JAK2: variants seen among roughly 807,000 people sequenced by gnomAD.
The protein encoded by JAK2 is tyrosine-protein kinase JAK2.
In JAK2, 86 loss-of-function variants were observed where a neutral mutation model predicts 139.3. That is an observed-to-expected ratio of 0.62 (90% CI 0.52 to 0.74). The LOEUF is 0.74. Among genes scored for constraint, JAK2 ranks in the 30% least tolerant of loss-of-function variants. The pLI, the probability that JAK2 is intolerant of heterozygous loss-of-function variation, is 0.00. For missense variants in JAK2, 1,421 were observed against 1,360.3 expected, an observed-to-expected ratio of 1.04 and a Z score of -0.70; for synonymous variants, 490 against 437.7, an observed-to-expected ratio of 1.12 and a Z score of -1.49.
chr9:5,115,479 C>T (rs1032653533), intron 22 of JAK2, among the ~76,000 whole-genome samples: 1 of 152,146 alleles, frequency 6.6e-6, no homozygotes, highest in Non-Finnish European at 1.5e-5. Flanking sequence ...TAAATTAGTT[C>T]AACCATTGTG....
chr9:5,012,198 C>T (rs1187229752), intron 2 of JAK2, among the ~76,000 whole-genome samples: 1 of 152,156 alleles, frequency 6.6e-6, no homozygotes, highest in Non-Finnish European at 1.5e-5. Context: ...GCTCTGTCCC[C>T]TCCTCTGGCC....
chr9:5,053,429 A>C (rs1045265368), intron 6 of JAK2, among the ~76,000 whole-genome samples: 1 of 151,974 alleles, frequency 6.6e-6, no homozygotes, highest in East Asian at 1.9e-4. Context: ...CATTCTGTGT[A>C]TTGTTATTTT....
At chr9:5,098,788 G>A (rs1327311226) in intron 22 of JAK2, 3 of 151,816 alleles carry the variant, frequency 2.0e-5, no homozygotes, top group African/African-American at 4.8e-5. Flanking sequence ...CTGCCTCCCG[G>A]GTTCACGCCA....
rs901494634 is a variant in JAK2, at chr9:5,054,276, C to G, written c.615-287C>G. Among the ~76,000 whole-genome samples, 22 of 151,934 alleles carry G rather than the reference C, an allele frequency of 1.4e-4. No individual in the cohort carries two copies. Among genetic ancestry groups the G allele is most frequent in the Admixed American group, 5.3e-4 (8 of 15,236 alleles). On this transcript the variant is annotated intron_variant, in intron 6 of 24. Coordinates refer to ENST00000381652, the MANE Select transcript of JAK2 (RefSeq NM_004972.4). This position sits in a 1 kb window ranked among gnomAD's most constrained non-coding sequence, Gnocchi z 4.9. ...TAGAGAAAAGGAATTTTTAGAGATT[C>G]TTATTAACTAGACTGAGGATTCATT...
At chr9:4,999,635 C>G (rs1820810482) in intron 2 of JAK2, among the ~76,000 whole-genome samples, 1 of 152,162 alleles carries the variant, frequency 6.6e-6, no homozygotes, top group South Asian at 2.1e-4. Context: ...GTTCAAGTCT[C>G]AAAACTGAAG....
chr9:5,079,721 C>G (rs1028533012), intron 16 of JAK2, among the ~76,000 whole-genome samples: 6 of 151,912 alleles, frequency 3.9e-5, no homozygotes, highest in African/African-American at 1.5e-4. Flanking sequence ...CTTCCTAAAG[C>G]GCTTGGGTGG....
chr9:5,037,649 T>C (rs1363733917), intron 4 of JAK2, among the ~76,000 whole-genome samples: 5 of 152,054 alleles, frequency 3.3e-5, no homozygotes, highest in African/African-American at 1.2e-4. Flanking sequence ...TAGGTGGGAA[T>C]TGAACAATGA....
At chr9:5,050,596 T>A (rs1817347100) in intron 5 of JAK2, 90 bp from the exon 6 acceptor site, 2 of 1,338,522 alleles carry the variant, frequency 1.5e-6, no homozygotes, top group East Asian at 4.9e-5. Context: ...AATGCATATG[T>A]TCTGAAAATT....
intron 22 of JAK2, among the ~76,000 whole-genome samples, chr9:5,102,111 C>G (rs1233848379): frequency 2.0e-5 from 3 of 152,134 alleles, no homozygotes; most frequent in Non-Finnish European, 4.4e-5. Flanking sequence ...GGAGGATGTT[C>G]AAACCCATCG....
At chr9:5,112,554 T>C in intron 22 of JAK2, 1 of 613,808 alleles carries the variant, frequency 1.6e-6, no homozygotes, top group Non-Finnish European at 2.9e-6. Context: ...AGGTGGCCAA[T>C]AACGCCAGGG....
At chr9:5,101,965 G>A (rs1351120686) in intron 22 of JAK2, among the ~76,000 whole-genome samples, 1 of 152,176 alleles carries the variant, frequency 6.6e-6, no homozygotes, top group East Asian at 1.9e-4. Flanking sequence ...CAGAAAAGCT[G>A]AAAATTCTAA....
In JAK2 at chr9:5,022,193, T is replaced by C. The variant is rs1441596935; in HGVS notation, c.206T>C (p.Ile69Thr). The part of the protein sequence containing the change: ...SGEYVAEEIC[I>T]AASKACGITP... Reference sequence around the variant, plus strand: ...GAGTATGTTGCAGAAGAAATCTGTATTGCTGCTTCTAAAGCTTGTGGTAAG... The same window carrying C: ...GAGTATGTTGCAGAAGAAATCTGTACTGCTGCTTCTAAAGCTTGTGGTAAG... Residue 69 changes from isoleucine to threonine, a missense_variant, in exon 3 of 25, where the codon ATT (isoleucine) becomes ACT (threonine). Physicochemically the swap from Ile to Thr is moderately conservative, Grantham distance 89 (BLOSUM62 -1). Coordinates refer to ENST00000381652, the MANE Select transcript of JAK2 (RefSeq NM_004972.4). 1.9e-6 allele frequency: 3 copies of C among 1,613,758 alleles called. No individual in the cohort carries two copies. The highest frequency in any genetic ancestry group is 1.7e-5 in the Admixed American group (1 of 60,028).
At chr9:5,015,574 A>T (rs1821996809) in intron 2 of JAK2, among the ~76,000 whole-genome samples, 1 of 144,090 alleles carries the variant, frequency 6.9e-6, no homozygotes. Context: ...TCACTTTGTT[A>T]CTCAGGTTGG....
intron 4 of JAK2, among the ~76,000 whole-genome samples, chr9:5,035,604 A>G (rs573758258): frequency 6.6e-6 from 1 of 152,258 alleles, no homozygotes; most frequent in African/African-American, 2.4e-5. Flanking sequence ...AACGTAATCC[A>G]GCATATAAAC....
chr9:5,030,725 G>T (rs1823087655), intron 4 of JAK2, among the ~76,000 whole-genome samples: 1 of 151,810 alleles, frequency 6.6e-6, no homozygotes, highest in South Asian at 2.1e-4. Context: ...CCTATCACTT[G>T]GTGCTCTCTC....
intron 4 of JAK2, among the ~76,000 whole-genome samples, chr9:5,043,116 C>T (rs1202145373): frequency 1.3e-5 from 2 of 152,186 alleles, no homozygotes; most frequent in Non-Finnish European, 2.9e-5. Flanking sequence ...GCCTTAAAGC[C>T]CCCGACCCAG....
intron 2 of JAK2, among the ~76,000 whole-genome samples, chr9:5,013,199 C>CTTATATCT (rs1047182075): frequency 6.6e-6 from 1 of 151,890 alleles, no homozygotes; most frequent in African/African-American, 2.4e-5. Context: ...TTTCTAATAA[C>CTTATATCT]TTATATCTTC....
chr9:5,030,979 A>G (rs564252582), intron 4 of JAK2, among the ~76,000 whole-genome samples: 14 of 152,296 alleles, frequency 9.2e-5, no homozygotes, highest in African/African-American at 3.4e-4. Flanking sequence ...GATAAAGAAG[A>G]TCCTATGCAG....
At chr9:5,078,164 C>A (rs180728853) in intron 15 of JAK2, 142 bp from the exon 16 acceptor site, 66 of 587,162 alleles carry the variant, frequency 1.1e-4, no homozygotes, top group Non-Finnish European at 1.7e-4. Context: ...TCATAAATTT[C>A]CTTTTTTCTC....
Sources: gnomAD v4.1 joint callset for allele counts (sites outside exome capture counted in the v4.1 genomes callset) on GRCh38, gnomAD v4.1.1 for gene constraint, Gnocchi (gnomAD v3.1) non-coding constraint, MANE v1.5 for transcripts, NCBI Gene and HGNC (gene_info 2026-07-23, HGNC 2026-07-21) for gene names.